RBM47: variants seen among roughly 807,000 people sequenced by gnomAD.
RBM47 encodes RNA binding motif protein 47.
In RBM47, 21 loss-of-function variants were observed where a neutral mutation model predicts 47.1. The ratio of observed to expected loss-of-function variants is 0.45; its 90% CI spans 0.32 to 0.64. The LOEUF is 0.64. RBM47 is among the 30% of genes least tolerant of loss of function. RBM47 has a pLI of 0.05. For synonymous variants in RBM47, 375 were observed against 361.7 expected, an observed-to-expected ratio of 1.04 and a Z score of -0.42; for missense variants, 708 against 870.9, an observed-to-expected ratio of 0.81 and a Z score of 2.35.
intron 2 of RBM47, among the ~76,000 whole-genome samples, chr4:40,484,429 C>G (rs1036554664): frequency 1.3e-5 from 2 of 152,130 alleles, no homozygotes; most frequent in Non-Finnish European, 2.9e-5. Flanking sequence ...CCATGCACAA[C>G]CTCCCACCCC....
intron 1 of RBM47, among the ~76,000 whole-genome samples, chr4:40,605,045 G>A (rs563232758): frequency 6.6e-6 from 1 of 151,696 alleles, no homozygotes; most frequent in East Asian, 1.9e-4. Flanking sequence ...TGGTTGTTAA[G>A]GAGTTTCGCT....
At position 40,523,685 on chromosome 4, in the gene RBM47, G is replaced by A. The variant is rs148389906; in HGVS notation, c.-155+20737C>T. 9.4e-3 allele frequency among the ~76,000 whole-genome samples: 1,428 copies of A among 151,836 alleles called. 6 individuals carry two copies. The highest frequency in any genetic ancestry group is 0.014 in the Admixed American group (210 of 15,206). ...AAAAAATCAGCCAGGGTGACGTGGT[G>A]AAACCTTGTCTCTACAAAAAATACC... is the stretch of plus-strand genomic sequence containing the variant. On this transcript the variant is annotated intron_variant, in intron 2 of 6. Coordinates refer to ENST00000295971, the MANE Select transcript of RBM47 (RefSeq NM_001098634.2).
chr4:40,508,910 C>T (rs1183313803), intron 2 of RBM47, among the ~76,000 whole-genome samples: 2 of 152,166 alleles, frequency 1.3e-5, no homozygotes, highest in African/African-American at 4.8e-5. Flanking sequence ...CCTGTAATCC[C>T]AGCACTTTGG....
intron 2 of RBM47, among the ~76,000 whole-genome samples, chr4:40,503,507 C>A (rs1421899611): frequency 3.9e-5 from 6 of 152,054 alleles, no homozygotes; most frequent in Admixed American, 3.9e-4. Flanking sequence ...ACTGGAAGGT[C>A]AAAAAGGTGA....
intron 1 of RBM47, among the ~76,000 whole-genome samples, chr4:40,569,885 T>C (rs1221417616): frequency 6.6e-6 from 1 of 151,626 alleles, no homozygotes; most frequent in Non-Finnish European, 1.5e-5. Flanking sequence ...CTAATTTTTG[T>C]ATTTTTAGTA....
intron 2 of RBM47, among the ~76,000 whole-genome samples, chr4:40,528,525 G>A (rs1210560175): frequency 6.6e-6 from 1 of 152,122 alleles, no homozygotes; most frequent in East Asian, 1.9e-4. Flanking sequence ...GGGAGCCACC[G>A]TAATCCTAGC....
intron 2 of RBM47, among the ~76,000 whole-genome samples, chr4:40,533,743 C>T (rs538712236): frequency 1.3e-5 from 2 of 152,182 alleles, no homozygotes; most frequent in African/African-American, 4.8e-5. Flanking sequence ...TCAAATGATC[C>T]TTGCATCCTA....
chr4:40,505,625 CACCTGTAATCCCAGCACTTTGGGAGG>C (rs2154251560), intron 2 of RBM47, among the ~76,000 whole-genome samples: 1 of 151,914 alleles, frequency 6.6e-6, no homozygotes, highest in Non-Finnish European at 1.5e-5. Flanking sequence ...CGGTGGCTCA[CACCTGTAATCCCAGCACTTTGGGAGG>C]CCGAGGCGGG....
intron 2 of RBM47, among the ~76,000 whole-genome samples, chr4:40,478,867 A>G (rs1720008911): frequency 6.6e-6 from 1 of 152,252 alleles, no homozygotes; most frequent in African/African-American, 2.4e-5. Context: ...ATATAGTAGT[A>G]GCATATCATT....
At chr4:40,466,436 C>CGAT (rs1217377105) in intron 3 of RBM47, 141 bp downstream of exon 3, 3 of 152,224 alleles carry the variant, frequency 2.0e-5, no homozygotes, top group East Asian at 3.9e-4. Context: ...TGACTTATCA[C>CGAT]GTTCTATATT....
At chr4:40,433,689 G>A (rs936141686) in intron 5 of RBM47, among the ~76,000 whole-genome samples, 18 of 152,036 alleles carry the variant, frequency 1.2e-4, no homozygotes, top group African/African-American at 3.9e-4. Context: ...GTTTCATTCT[G>A]AGAACTCAGA....
chr4:40,588,019 CTT>C (rs1302528170), intron 1 of RBM47, among the ~76,000 whole-genome samples: 2 of 152,160 alleles, frequency 1.3e-5, no homozygotes, highest in Non-Finnish European at 2.9e-5. Context: ...GATAGAATCT[CTT>C]TTTTGCCTGG....
chr4:40,489,311 A>G (rs535401769), intron 2 of RBM47, among the ~76,000 whole-genome samples: 43 of 152,350 alleles, frequency 2.8e-4, no homozygotes, highest in African/African-American at 9.9e-4. Context: ...CAGATTAAGG[A>G]AGGAAATAAT....
intron 6 of RBM47, among the ~76,000 whole-genome samples, chr4:40,427,854 T>C (rs1488437197): frequency 1.3e-5 from 2 of 151,558 alleles, no homozygotes; most frequent in Non-Finnish European, 2.9e-5. Context: ...AATTATAATT[T>C]ATAATAATTT....
intron 1 of RBM47, among the ~76,000 whole-genome samples, chr4:40,593,713 T>C (rs1734483011): frequency 6.6e-6 from 1 of 151,996 alleles, no homozygotes; most frequent in African/African-American, 2.4e-5. Flanking sequence ...ACCCCGTCTC[T>C]ACTAAAAATA....
chr4:40,571,221 AAAAAGAAAAG>A (rs146883849), intron 1 of RBM47, among the ~76,000 whole-genome samples: 4 of 151,722 alleles, frequency 2.6e-5, no homozygotes, highest in Admixed American at 2.6e-4. Context: ...ATCTCAAAAG[AAAAAGAAAAG>A]AAAAGAAAAG....
chr4:40,582,452 T>G (rs1218566064), intron 1 of RBM47, among the ~76,000 whole-genome samples: 1 of 152,176 alleles, frequency 6.6e-6, no homozygotes, highest in East Asian at 1.9e-4. Context: ...GAGAATCGCT[T>G]CAACCCAGGA....
At position 40,572,918 on chromosome 4, in the gene RBM47, G is replaced by A. The variant is rs531806481; in HGVS notation, c.-239-28412C>T. Among the ~76,000 whole-genome samples, 20 of 151,728 alleles carry A rather than the reference G, an allele frequency of 1.3e-4. No individual in the cohort carries two copies. The South Asian group carries it at 3.3e-3, about 25-fold the overall frequency. ...TGGAATCACAACACTTTGGGAGGCC[G>A]AGGCGGGCGGATTACTTGAGGCCAG... is the stretch of plus-strand genomic sequence containing the variant. On this transcript the variant is annotated intron_variant, in intron 1 of 6. Transcript: ENST00000295971.
At chr4:40,490,954 T>C (rs940718948) in intron 2 of RBM47, among the ~76,000 whole-genome samples, 3 of 152,074 alleles carry the variant, frequency 2.0e-5, no homozygotes, top group South Asian at 2.1e-4. Flanking sequence ...GGGCCCAGAA[T>C]AGCCAAAACA....
Sources: gnomAD v4.1 joint callset for allele counts (sites outside exome capture counted in the v4.1 genomes callset) on GRCh38, gnomAD v4.1.1 for gene constraint, MANE v1.5 for transcripts, NCBI Gene and HGNC (gene_info 2026-07-23, HGNC 2026-07-21) for gene names.